The following MAU2 variants were observed in gnomAD, a reference collection of about 807,000 sequenced individuals.
MAU2 encodes the protein MAU2 chromatid cohesion factor homolog.
In MAU2, 9 loss-of-function variants were observed where a neutral mutation model predicts 89.1. That is an observed-to-expected ratio of 0.10 (90% CI 0.06 to 0.18). MAU2 has a LOEUF of 0.18. Among genes scored for constraint, MAU2 ranks in the 10% least tolerant of loss-of-function variants. The pLI is 1.00. For synonymous variants in MAU2, 357 were observed against 343.4 expected, an observed-to-expected ratio of 1.04 and a Z score of -0.44; for missense variants, 425 against 803.5, an observed-to-expected ratio of 0.53 and a Z score of 5.69.
chr19:19,344,049 C>A, intron 10 of MAU2, 109 bp downstream of exon 10: 1 of 851,528 alleles, frequency 1.2e-6, no homozygotes, highest in Non-Finnish European at 1.9e-6. Context: ...CCAGCCCATC[C>A]TGCTGTCTCG....
At chr19:19,327,636 T>G (rs989764283) in intron 1 of MAU2, among the ~76,000 whole-genome samples, 2 of 152,068 alleles carry the variant, frequency 1.3e-5, no homozygotes, top group African/African-American at 2.4e-5. Flanking sequence ...CTACTTTTAT[T>G]AGAGATGGGG....
At chr19:19,329,289 T>C (rs2146660772) in intron 1 of MAU2, among the ~76,000 whole-genome samples, 1 of 152,296 alleles carries the variant, frequency 6.6e-6, no homozygotes, top group East Asian at 1.9e-4. Flanking sequence ...TGCTTCCTCC[T>C]GTTTTTGTTT....
At chr19:19,337,106 C>A in intron 3 of MAU2, 64 bp from the exon 4 acceptor site, 1 of 1,280,462 alleles carries the variant, frequency 7.8e-7, no homozygotes, top group African/African-American at 1.5e-5. Flanking sequence ...CTAAGGAATC[C>A]AGCTTGATTG....
intron 17 of MAU2, 113 bp downstream of exon 17, chr19:19,354,558 C>T: frequency 2.2e-6 from 2 of 903,460 alleles, no homozygotes; most frequent in Non-Finnish European, 1.8e-6. Flanking sequence ...CCGTGGGCCG[C>T]AGCCCCAGTT....
intron 6 of MAU2, 52 bp from the exon 7 acceptor site, chr19:19,341,200 G>A: frequency 6.4e-7 from 1 of 1,571,564 alleles, no homozygotes; most frequent in South Asian, 1.1e-5. Context: ...TCCCGGTCCT[G>A]GGAGGGCCCC....
intron 16 of MAU2, among the ~76,000 whole-genome samples, chr19:19,350,168 C>T (rs960946954): frequency 2.6e-5 from 4 of 151,128 alleles, no homozygotes; most frequent in African/African-American, 9.7e-5. Flanking sequence ...TGGTGGTGGA[C>T]GCCTGTAATC....
intron 5 of MAU2, among the ~76,000 whole-genome samples, chr19:19,339,907 A>G (rs568755171): frequency 1.4e-4 from 21 of 151,868 alleles, no homozygotes; most frequent in Middle Eastern, 3.4e-3. Flanking sequence ...AGTGGCTCAC[A>G]CCTGTAATCC....
At position 19,320,955 on chromosome 19, in the gene MAU2, C is replaced by A; in HGVS notation, c.96C>A (p.Phe32Leu). Residue 32 changes from phenylalanine to leucine, a missense_variant, in exon 1 of 19, where the codon TTC becomes TTA. By Grantham distance (22) the Phe-to-Leu change is conservative. Around this residue, in one of 11 missense-constraint regions of MAU2, gnomAD observed 5 missense variants for 20.5 expected, o/e 0.24. Transcript: ENST00000262815. ...CGTGGTACCTGGCGCTTCTGGGCTT[C>A]GCTGAGCACTTCCGCACTTCCAGCC... is the stretch of plus-strand genomic sequence containing the variant. ...ADSWYLALLG[F>L]AEHFRTSSPP... The A allele has an allele frequency of 6.3e-7, 1 of 1,592,428 alleles. No homozygotes were observed. Among genetic ancestry groups the A allele is most frequent in the South Asian group, 1.1e-5 (1 of 88,246 alleles).
At chr19:19,327,576 C>T (rs1234896657) in intron 1 of MAU2, among the ~76,000 whole-genome samples, 4 of 151,854 alleles carry the variant, frequency 2.6e-5, no homozygotes, top group East Asian at 1.9e-4. Flanking sequence ...CCACCCGCCT[C>T]GACCTGCCAA....
intron 1 of MAU2, among the ~76,000 whole-genome samples, chr19:19,326,784 C>G (rs1248071419): frequency 3.5e-5 from 5 of 143,754 alleles, no homozygotes; most frequent in African/African-American, 1.3e-4. Context: ...GTCCCAGCTA[C>G]TCAGGAGGCT....
intron 16 of MAU2, chr19:19,354,041 T>G (rs565342218): frequency 2.5e-6 from 1 of 396,342 alleles, no homozygotes; most frequent in Non-Finnish European, 4.8e-6. Flanking sequence ...GCCCCCATTG[T>G]GGGTCTAGGG....
chr19:19,335,961 C>G (rs1019581236), intron 2 of MAU2, among the ~76,000 whole-genome samples, 161 bp from the exon 3 acceptor site: 1 of 152,122 alleles, frequency 6.6e-6, no homozygotes, highest in Non-Finnish European at 1.5e-5. Context: ...TGCCCTGCAG[C>G]AAGCTCAAGG....
At chr19:19,354,504 G>A in intron 17 of MAU2, 59 bp downstream of exon 17, 1 of 1,464,904 alleles carries the variant, frequency 6.8e-7, no homozygotes. Flanking sequence ...CAGAGATCAA[G>A]GCTGCTGGGC....
chr19:19,348,723 C>T (rs2061715582), intron 13 of MAU2, 166 bp from the exon 14 acceptor site: 8 of 747,508 alleles, frequency 1.1e-5, no homozygotes, highest in Admixed American at 8.1e-5. Flanking sequence ...ATCTTGCCCC[C>T]GGCCCTTCTC....
At chr19:19,329,140 C>A (rs545271630) in intron 1 of MAU2, 2 of 455,894 alleles carry the variant, frequency 4.4e-6, no homozygotes, top group East Asian at 1.4e-4. Context: ...GGTTCTGAGC[C>A]TCTCCTCATC....
At chr19:19,351,519 C>A (rs2061744647) in intron 16 of MAU2, among the ~76,000 whole-genome samples, 1 of 151,582 alleles carries the variant, frequency 6.6e-6, no homozygotes, top group Non-Finnish European at 1.5e-5. Context: ...CTACAAAAAC[C>A]AAACAAAAAA....
At chr19:19,325,613 A>G (rs1160659312) in intron 1 of MAU2, among the ~76,000 whole-genome samples, 1 of 151,692 alleles carries the variant, frequency 6.6e-6, no homozygotes, top group Non-Finnish European at 1.5e-5. Context: ...CTGAGTAGCT[A>G]GGATTACAGG....
chr19:19,353,907 C>G (rs536868449), intron 16 of MAU2: 15 of 198,542 alleles, frequency 7.6e-5, no homozygotes, highest in Middle Eastern at 2.3e-3. Flanking sequence ...GCCCCCAGAG[C>G]CCCTGCGTGT....
chr19:19,338,589 T>G (rs553061433), intron 4 of MAU2, among the ~76,000 whole-genome samples: 2 of 152,358 alleles, frequency 1.3e-5, no homozygotes, highest in East Asian at 3.9e-4. Context: ...GCTGGTTCTA[T>G]GCTCCATTAA....
Sources: allele counts gnomAD v4.1 joint callset (sites outside exome capture counted in the v4.1 genomes callset), GRCh38; gene constraint gnomAD v4.1.1; regional missense constraint gnomAD v4.1.1; transcripts MANE v1.5; gene names NCBI Gene and HGNC (gene_info 2026-07-23, HGNC 2026-07-21).